The following BMPR2 variants were observed in gnomAD, a reference collection of about 807,000 sequenced individuals.
BMPR2 encodes the protein bone morphogenetic protein receptor type-2.
BMPR2 carries 29 observed loss-of-function variants against 100.8 expected under a neutral mutation model. That is an observed-to-expected ratio of 0.29 (90% CI 0.21 to 0.39). BMPR2 has a LOEUF of 0.39. Ranked by LOEUF, BMPR2 falls within the 10% of genes least tolerant of loss-of-function variation. The pLI, the probability that BMPR2 is intolerant of heterozygous loss-of-function variation, is 1.00. For missense variants in BMPR2, 1,011 were observed against 1,274.5 expected (o/e 0.79, Z 3.15); for synonymous variants, 382 against 442.3 (o/e 0.86, Z 1.71).
intron 1 of BMPR2, among the ~76,000 whole-genome samples, chr2:202,418,577 C>G (rs1303042079): frequency 6.6e-6 from 1 of 152,058 alleles, no homozygotes; most frequent in Non-Finnish European, 1.5e-5. Context: ...GTTATAGATA[C>G]CAGTCAACAC....
chr2:202,381,065 C>G (rs542248461), intron 1 of BMPR2, among the ~76,000 whole-genome samples: 1 of 148,726 alleles, frequency 6.7e-6, no homozygotes, highest in Non-Finnish European at 1.5e-5. Flanking sequence ...ACCTCTGCCT[C>G]CCGGGTTCAA....
chr2:202,457,303 G>A (rs1299739647), intron 1 of BMPR2, among the ~76,000 whole-genome samples: 1 of 150,854 alleles, frequency 6.6e-6, no homozygotes, highest in Non-Finnish European at 1.5e-5. Flanking sequence ...TCATGTTTCA[G>A]TTATTCATTG....
At chr2:202,405,537 A>C (rs568960997) in intron 1 of BMPR2, among the ~76,000 whole-genome samples, 3 of 151,844 alleles carry the variant, frequency 2.0e-5, no homozygotes, top group East Asian at 3.9e-4. Flanking sequence ...AAATACAAAA[A>C]ATTAGATGGG....
At chr2:202,500,712 T>C (rs1574480001) in intron 3 of BMPR2, among the ~76,000 whole-genome samples, 1 of 152,346 alleles carries the variant, frequency 6.6e-6, no homozygotes, top group East Asian at 1.9e-4. Context: ...CAGTGGAGTC[T>C]AGTGCAAGAT....
chr2:202,391,030 T>C (rs1690537490), intron 1 of BMPR2, among the ~76,000 whole-genome samples: 1 of 146,356 alleles, frequency 6.8e-6, no homozygotes, highest in Admixed American at 7.0e-5. Context: ...TTCACTCTTG[T>C]TGCCCAGGCT....
Position 202,559,793 on chromosome 2 carries a change from C to G in BMPR2, c.2964C>G (p.Thr988=), listed in dbSNP as rs771055741. 3 of 1,614,048 alleles carry G rather than the reference C, an allele frequency of 1.9e-6. No individual in the cohort carries two copies. Among genetic ancestry groups the G allele is most frequent in the South Asian group, 1.1e-5 (1 of 91,068 alleles). ...CTCTTAAGCGGTGGCGCCCCTCCACCTGGGTCATCTCCACTGAATCGCTGG... is the reference window on the plus strand; with the variant it reads ...CTCTTAAGCGGTGGCGCCCCTCCACGTGGGTCATCTCCACTGAATCGCTGG... ...PYSLKRWRPS[T]WVISTESLDC... The change falls in exon 13 of 13, where the codon ACC becomes ACG. Residue 988 remains threonine, a synonymous_variant. Coordinates refer to ENST00000374580, the MANE Select transcript of BMPR2 (RefSeq NM_001204.7).
chr2:202,474,675 C>G (rs1047285710), intron 3 of BMPR2: 15 of 152,104 alleles, frequency 9.9e-5, no homozygotes, highest in African/African-American at 3.6e-4. Context: ...CCTGCCACCA[C>G]GCCTGGCTAA....
In BMPR2 at chr2:202,566,183, T is replaced by C. The variant is rs1298279697; in HGVS notation, c.*6237T>C. On this transcript the variant is annotated 3_prime_UTR_variant, in exon 13 of 13. Coordinates refer to ENST00000374580, the MANE Select transcript of BMPR2 (RefSeq NM_001204.7). ...GTTTTCAGTTTTAAAAGGCAACATG[T>C]GGGTTTTATCCATTTTATTTATACC... is the stretch of plus-strand genomic sequence containing the variant. 6.6e-6 allele frequency: 1 copy of C among 152,558 alleles called. No individual in the cohort carries two copies. Among genetic ancestry groups the C allele is most frequent in the Non-Finnish European group, 1.5e-5 (1 of 67,988 alleles). 9.5% of individuals were successfully genotyped at this position (152,558 alleles called of 1,614,324 possible).
chr2:202,420,217 C>T (rs1691229116), intron 1 of BMPR2, among the ~76,000 whole-genome samples: 1 of 151,820 alleles, frequency 6.6e-6, no homozygotes, highest in South Asian at 2.1e-4. Context: ...GAAAAAAATA[C>T]AAAAGACTCT....
rs1688574286 is a variant in BMPR2 at position 202,556,443 on chromosome 2, T to G, written c.2778T>G (p.Asp926Glu). The G allele has an allele frequency of 6.2e-7, 1 of 1,614,166 alleles. No individual in the cohort carries two copies. The highest frequency in any genetic ancestry group is 8.5e-7 in the Non-Finnish European group (1 of 1,180,032). The change falls in exon 12 of 13, where the codon GAT becomes GAG. Residue 926 changes from aspartate to glutamate, a missense_variant. Physicochemically the swap from Asp to Glu is conservative, Grantham distance 45 (BLOSUM62 2). Around this residue, in one of 6 missense-constraint regions of BMPR2, gnomAD observed 508 missense variants for 552.0 expected, o/e 0.92. Coordinates refer to ENST00000374580, the MANE Select transcript of BMPR2 (RefSeq NM_001204.7). ...LAQGVPSTAA[D>E]PGPSKPRRAQ... is the part of the protein sequence containing the mutation. ...AGGGTGTTCCAAGCACAGCAGCAGATCCTGGGCCATCAAAGCCCAGAAGAG... is the reference window on the plus strand; with the variant it reads ...AGGGTGTTCCAAGCACAGCAGCAGAGCCTGGGCCATCAAAGCCCAGAAGAG...
chr2:202,472,504 C>A (rs1383618052), intron 3 of BMPR2, among the ~76,000 whole-genome samples: 2 of 152,062 alleles, frequency 1.3e-5, no homozygotes, highest in African/African-American at 4.8e-5. Context: ...ACTAAAAATA[C>A]AAAAATTAGC....
intron 1 of BMPR2, among the ~76,000 whole-genome samples, chr2:202,400,627 G>C (rs1273766641): frequency 6.6e-6 from 1 of 152,114 alleles, no homozygotes; most frequent in African/African-American, 2.4e-5. Context: ...CATAGTTAAT[G>C]AGCATAATGG....
At position 202,560,055 on chromosome 2, in the gene BMPR2, C is replaced by A; in HGVS notation, c.*109C>A. 2 of 1,352,336 alleles carry A rather than the reference C, an allele frequency of 1.5e-6. No individual in the cohort carries two copies. Among genetic ancestry groups the A allele is most frequent in the Admixed American group, 2.0e-5 (1 of 49,134 alleles). The allele number at this position is 1,352,336 out of a possible 1,614,324, so 83.8% of individuals were successfully genotyped here. A position where few individuals can be genotyped will look rare whatever the true frequency, so the allele number is the denominator to read the frequency against. On this transcript the variant is annotated 3_prime_UTR_variant, in exon 13 of 13. Transcript: ENST00000374580. The stretch of plus-strand genomic sequence containing the variant: ...TTTATCCTCCTGTCAGCACCCCCTC[C>A]CACCCCTGCAACAAAGACTTGCTTT...
intron 11 of BMPR2, 149 bp downstream of exon 11, chr2:202,553,037 A>G (rs1380235227): frequency 7.3e-6 from 8 of 1,100,598 alleles, no homozygotes; most frequent in South Asian, 5.9e-5. Flanking sequence ...CAATATTCCT[A>G]TTCTTCTATT....
chr2:202,479,011 C>A (rs1408203093), intron 3 of BMPR2, among the ~76,000 whole-genome samples: 1 of 152,152 alleles, frequency 6.6e-6, no homozygotes, highest in East Asian at 1.9e-4. Flanking sequence ...TCCCAATGAT[C>A]CCTGCCTCCT....
intron 3 of BMPR2, among the ~76,000 whole-genome samples, chr2:202,477,216 A>G (rs1377222777): frequency 6.6e-6 from 1 of 152,254 alleles, no homozygotes; most frequent in African/African-American, 2.4e-5. Context: ...CACATAGAGA[A>G]GACATTCAAT....
intron 1 of BMPR2, among the ~76,000 whole-genome samples, chr2:202,415,235 C>T (rs573905543): frequency 1.3e-5 from 2 of 151,980 alleles, no homozygotes; most frequent in East Asian, 2.0e-4. Flanking sequence ...TTTGGGAGGC[C>T]GAGGCGGGCA....
chr2:202,394,955 G>C (rs1690630385), intron 1 of BMPR2, among the ~76,000 whole-genome samples: 1 of 151,308 alleles, frequency 6.6e-6, no homozygotes, highest in African/African-American at 2.4e-5. Context: ...GCGCAATCTC[G>C]GCTCACTGCA....
chr2:202,555,284 T>G lies in BMPR2; in HGVS notation c.1619T>G (p.Ile540Ser). 1 of 1,614,218 alleles carries G rather than the reference T, an allele frequency of 6.2e-7. No individual in the cohort carries two copies. Among genetic ancestry groups the G allele is most frequent in the African/African-American group, 1.3e-5 (1 of 75,058 alleles). The change falls in exon 12 of 13, where the codon ATT (isoleucine) becomes AGT (serine). Residue 540 changes from isoleucine (I) to serine (S), a missense_variant. Physicochemically the swap from Ile to Ser is moderately radical, Grantham distance 142. This residue lies in a region of BMPR2 where 508 missense variants were observed against 552.0 expected (regional missense o/e 0.92). Transcript: ENST00000374580. ...TCACATAATAGGCGTGTGCCAAAAA[T>G]TGGTCCTTATCCAGATTATTCTTCC... ...NLSHNRRVPK[I>S]GPYPDYSSSS... is the part of the protein sequence containing the mutation.
Sources: gnomAD v4.1 joint callset for allele counts (sites outside exome capture counted in the v4.1 genomes callset) on GRCh38, gnomAD v4.1.1 for gene constraint, gnomAD v4.1.1 regional missense constraint, MANE v1.5 for transcripts, NCBI Gene and HGNC (gene_info 2026-07-23, HGNC 2026-07-21) for gene names.